Variants in BTBD7 observed in about 807,000 individuals in gnomAD.
BTBD7 encodes BTB/POZ domain-containing protein 7.
In BTBD7, 38 loss-of-function variants were observed where a neutral mutation model predicts 99.9. The observed-to-expected ratio is 0.38, with a 90% CI of 0.29 to 0.50. The LOEUF (loss-of-function observed/expected upper bound fraction) is 0.50, where lower values mean the gene tolerates loss of function less well. Ranked by LOEUF, BTBD7 falls within the 20% of genes least tolerant of loss-of-function variation. BTBD7 has a pLI of 0.93. For synonymous variants in BTBD7, 520 were observed against 511.4 expected (o/e 1.02, Z -0.23); for missense variants, 1,170 against 1,394.6 (o/e 0.84, Z 2.57).
rs34246296 is a variant in BTBD7 at position 93,290,987 on chromosome 14, GTTTTTTTTTTTTT to G, written c.1162+2858_1162+2870del. On this transcript the variant is annotated intron_variant, in intron 3 of 10. Transcript: ENST00000334746. Reference sequence around the variant, plus strand: ...AGTGTGGGCCACTGTGCTAGGCCTAGTTTTTTTTTTTTTTTTTTTTTTTTTGGTAGAGACGAGG... The same window carrying G: ...AGTGTGGGCCACTGTGCTAGGCCTAGTTTTTTTTTTTTGGTAGAGACGAGG... 3.9e-5 allele frequency among the ~76,000 whole-genome samples: 3 copies of G among 76,760 alleles called. No individual in the cohort carries two copies. In the East Asian group the frequency reaches 1.3e-3, roughly 34 times the overall value. 50.4% of individuals were successfully genotyped at this position (76,760 alleles called of 152,430 possible). A position where few individuals can be genotyped will look rare whatever the true frequency, so the allele number is the denominator to read the frequency against.
chr14:93,306,274 C>A (rs1420050894), intron 1 of BTBD7, among the ~76,000 whole-genome samples: 1 of 151,906 alleles, frequency 6.6e-6, no homozygotes, highest in East Asian at 1.9e-4. Flanking sequence ...TATGGGTCCA[C>A]TGAGGGTGAT....
At chr14:93,277,153 T>C (rs1253804335) in intron 3 of BTBD7, among the ~76,000 whole-genome samples, 1 of 152,092 alleles carries the variant, frequency 6.6e-6, no homozygotes, top group Admixed American at 6.6e-5. Context: ...CCGCCCACCT[T>C]GGCCTCCCAA....
rs767550906 is a variant in BTBD7, at chr14:93,251,542, C to A, written c.1863G>T (p.Gln621His). ...GCTGGTGGCTGATCATGTGACAACA[C>A]TGTGGCACGGCATTATTGACCATGT... ...TLYMVNNAVPQCCHMISHQQI... is the reference protein window; with the variant it reads ...TLYMVNNAVPHCCHMISHQQI... Residue 621 changes from glutamine (Q) to histidine (H), a missense_variant, in exon 8 of 11, where the codon CAG becomes CAT. By Grantham distance (24) the Gln-to-His change is conservative (BLOSUM62 0). Coordinates refer to ENST00000334746, the MANE Select transcript of BTBD7 (RefSeq NM_001002860.4). 1 of 1,614,042 alleles carries A rather than the reference C, an allele frequency of 6.2e-7. No homozygotes were observed. The highest frequency in any genetic ancestry group is 8.5e-7 in the Non-Finnish European group (1 of 1,179,916).
At chr14:93,274,498 A>T (rs1321729020) in intron 3 of BTBD7, among the ~76,000 whole-genome samples, 1 of 152,212 alleles carries the variant, frequency 6.6e-6, no homozygotes, top group Non-Finnish European at 1.5e-5. Context: ...GAGGGATGGA[A>T]GGTGGTAGGT....
intron 9 of BTBD7, among the ~76,000 whole-genome samples, chr14:93,247,924 A>G (rs1006874062): frequency 2.0e-5 from 3 of 152,188 alleles, no homozygotes; most frequent in Non-Finnish European, 4.4e-5. Flanking sequence ...CATGAAAGAA[A>G]TTTCTTATAA....
At chr14:93,320,802 T>C (rs2053260962) in intron 1 of BTBD7, among the ~76,000 whole-genome samples, 1 of 152,168 alleles carries the variant, frequency 6.6e-6, no homozygotes. Flanking sequence ...AAAAAACCTC[T>C]ACACACAGAG....
At position 93,243,069 on chromosome 14, in the gene BTBD7, T is replaced by C. The variant is rs778390890; in HGVS notation, c.2603A>G (p.Asn868Ser). ...CACCGCGATGTCTGGCATCAGATCA[T>C]TCAGCACAGGTTGTGTTCGCTGCAG... ...EKQVRTQPVL[N>S]DLMPDIAVGV... Residue 868 changes from asparagine (N) to serine (S), a missense_variant, in exon 11 of 11, where the codon AAT becomes AGT. Asn to Ser is a conservative substitution (Grantham distance 46). Around this residue, in one of 4 missense-constraint regions of BTBD7, gnomAD observed 495 missense variants for 525.9 expected, o/e 0.94. Coordinates refer to ENST00000334746, the MANE Select transcript of BTBD7 (RefSeq NM_001002860.4). 1.2e-6 allele frequency: 2 copies of C among 1,613,788 alleles called. No individual in the cohort carries two copies. The highest frequency in any genetic ancestry group is 2.2e-5 in the South Asian group (2 of 91,064).
rs908651332 is a variant in BTBD7, at chr14:93,240,326, C to T, written c.*1947G>A. The T allele has an allele frequency of 6.6e-6, 1 of 152,576 alleles. No homozygotes were observed. The highest frequency in any genetic ancestry group is 1.9e-4 in the East Asian group (1 of 5,196). The allele number at this position is 152,576 out of a possible 1,614,324, so 9.5% of individuals were successfully genotyped here. On this transcript the variant is annotated 3_prime_UTR_variant, in exon 11 of 11. Transcript: ENST00000334746. ...CCCATCTTGGAGACTATCTACTGTTCGGCTTTTCTAAAATGTCAGATTATT... is the reference window on the plus strand; with the variant it reads ...CCCATCTTGGAGACTATCTACTGTTTGGCTTTTCTAAAATGTCAGATTATT...
In BTBD7 at chr14:93,294,877, T is replaced by C. The variant is rs1284660587; in HGVS notation, c.143A>G (p.His48Arg). ...TTTGTCTTGTGGTTTCTCATGGCCA[T>C]GGTCAAGGCTATACAACTTTGATTC... ...GCESKLYSLDHGHEKPQDKKK... is the reference protein window; with the variant it reads ...GCESKLYSLDRGHEKPQDKKK... The change falls in exon 3 of 11, where the codon CAT becomes CGT. Residue 48 changes from histidine to arginine, a missense_variant. Physicochemically the swap from His to Arg is conservative, Grantham distance 29. Transcript: ENST00000334746. 4 of 1,612,894 alleles carry C rather than the reference T, an allele frequency of 2.5e-6. No individual in the cohort carries two copies. Among genetic ancestry groups the C allele is most frequent in the Non-Finnish European group, 2.5e-6 (3 of 1,179,774 alleles).
intron 1 of BTBD7, among the ~76,000 whole-genome samples, chr14:93,318,173 T>C: frequency 6.6e-6 from 1 of 152,334 alleles, no homozygotes; most frequent in South Asian, 2.1e-4. Flanking sequence ...TGATAAAATG[T>C]CTTTCTCTAC....
At chr14:93,256,987 A>G in intron 6 of BTBD7, 1 of 526,992 alleles carries the variant, frequency 1.9e-6, no homozygotes, top group South Asian at 3.4e-5. Context: ...CTATTTACCC[A>G]CTCAACTCTC....
intron 3 of BTBD7, chr14:93,288,754 C>T: frequency 6.3e-7 from 1 of 1,598,872 alleles, no homozygotes; most frequent in Non-Finnish European, 8.5e-7. Flanking sequence ...TTTATAACCC[C>T]TGAGTGTAAT....
chr14:93,239,730 T>C lies in BTBD7; in HGVS notation c.*2543A>G, dbSNP rs2052201207. The C allele has an allele frequency of 1.3e-5, 2 of 152,696 alleles. No individual in the cohort carries two copies. The highest frequency in any genetic ancestry group is 2.1e-4 in the South Asian group (1 of 4,826). The allele number at this position is 152,696 out of a possible 1,614,324, so 9.5% of individuals were successfully genotyped here. On this transcript the variant is annotated 3_prime_UTR_variant, in exon 11 of 11. Coordinates refer to ENST00000334746, the MANE Select transcript of BTBD7 (RefSeq NM_001002860.4). ...CGCAAAGTTTTAGCCAGGTAAGCTA[T>C]TGTATGATTAAAAGCAAACTTTATA... is the stretch of plus-strand genomic sequence containing the variant.
chr14:93,332,749 T>C, intron 1 of BTBD7, 71 bp downstream of exon 1: 1 of 1,429,062 alleles, frequency 7.0e-7, no homozygotes, highest in Non-Finnish European at 9.1e-7. Context: ...CCCCTTCCTC[T>C]CCCGGACGCC....
chr14:93,260,375 G>A (rs1280897309), intron 5 of BTBD7, among the ~76,000 whole-genome samples: 1 of 152,136 alleles, frequency 6.6e-6, no homozygotes, highest in Non-Finnish European at 1.5e-5. Flanking sequence ...CGATGTTTGA[G>A]GGAAGGAGGA....
At chr14:93,274,047 T>C (rs1478663354) in intron 3 of BTBD7, among the ~76,000 whole-genome samples, 1 of 142,338 alleles carries the variant, frequency 7.0e-6, no homozygotes, top group African/African-American at 3.0e-5. Context: ...TAGCAACTAC[T>C]AATAAAGAAA....
intron 10 of BTBD7, chr14:93,244,053 TG>T: frequency 2.4e-6 from 1 of 412,724 alleles, no homozygotes; most frequent in Non-Finnish European, 4.7e-6. Context: ...TGTCACAGTG[TG>T]GCACACACCA....
intron 5 of BTBD7, among the ~76,000 whole-genome samples, chr14:93,258,200 CGTGTGTGT>C: frequency 6.8e-6 from 1 of 146,962 alleles, no homozygotes; most frequent in South Asian, 2.2e-4. Context: ...TTCCTTAAAT[CGTGTGTGT>C]GTGTGTGTGT....
chr14:93,246,249 T>G lies in BTBD7; in HGVS notation c.2159A>C (p.Asp720Ala). 3 of 1,510,678 alleles carry G rather than the reference T, an allele frequency of 2.0e-6. No homozygotes were observed. The highest frequency in any genetic ancestry group is 2.7e-6 in the Non-Finnish European group (3 of 1,128,362). 93.6% of individuals were successfully genotyped at this position (1,510,678 alleles called of 1,614,324 possible). ...HKFFPDERFG[D>A]ESPLLTMRQP... ...TCTCATTGTCAAGAGTGGACTTTCA[T>G]CCCCAAAACGTTCATCAGGAAAGAA... The change falls in exon 10 of 11, where the codon GAT becomes GCT. Residue 720 changes from aspartate (D) to alanine (A), a missense_variant. Asp to Ala is a moderately radical substitution (Grantham distance 126, BLOSUM62 -2). Around this residue, in one of 4 missense-constraint regions of BTBD7, gnomAD observed 495 missense variants for 525.9 expected, o/e 0.94. Transcript: ENST00000334746.
Sources: allele counts gnomAD v4.1 joint callset (sites outside exome capture counted in the v4.1 genomes callset), GRCh38; gene constraint gnomAD v4.1.1; regional missense constraint gnomAD v4.1.1; transcripts MANE v1.5; gene names NCBI Gene and HGNC (gene_info 2026-07-23, HGNC 2026-07-21).